MACROD1: variants seen among roughly 807,000 people sequenced by gnomAD.
MACROD1 encodes the protein mono-ADP ribosylhydrolase 1.
In MACROD1, 31 loss-of-function variants were observed where a neutral mutation model predicts 41.4. The ratio of observed to expected loss-of-function variants is 0.75; its 90% confidence interval spans 0.56 to 1.01. The LOEUF (loss-of-function observed/expected upper bound fraction) is 1.01. MACROD1 is among the 50% of genes least tolerant of loss of function. MACROD1 has a pLI of 0.00. For synonymous variants in MACROD1, 252 were observed against 203.4 expected (o/e 1.24, Z -2.03); for missense variants, 473 against 460.0 (o/e 1.03, Z -0.26).
chr11:64,132,950 C>T (rs939674381), intron 3 of MACROD1, among the ~76,000 whole-genome samples: 1 of 152,180 alleles, frequency 6.6e-6, no homozygotes, highest in African/African-American at 2.4e-5. Context: ...AGCTCTGGAA[C>T]CAGGTCTGTC....
intron 3 of MACROD1, among the ~76,000 whole-genome samples, chr11:64,028,071 G>A (rs1001608534): frequency 6.6e-6 from 1 of 152,234 alleles, no homozygotes; most frequent in African/African-American, 2.4e-5. Context: ...CTCACCCTCT[G>A]AGGCTGCCCA....
intron 3 of MACROD1, among the ~76,000 whole-genome samples, chr11:64,016,224 T>A: frequency 6.6e-6 from 1 of 152,206 alleles, no homozygotes. Flanking sequence ...CCCCTCTCTG[T>A]AGGAATGCCA....
intron 3 of MACROD1, among the ~76,000 whole-genome samples, chr11:64,016,158 G>A (rs921548805): frequency 6.6e-5 from 10 of 152,124 alleles, no homozygotes; most frequent in Non-Finnish European, 8.8e-5. Flanking sequence ...CAGTCTGTCC[G>A]ATCGGCTGCC....
At chr11:64,124,516 G>C (rs539377830) in intron 3 of MACROD1, among the ~76,000 whole-genome samples, 1 of 152,186 alleles carries the variant, frequency 6.6e-6, no homozygotes, top group Admixed American at 6.5e-5. Flanking sequence ...GATTCTTTTT[G>C]CTCTCCATCC....
Position 64,010,671 on chromosome 11 carries a change from G to A in MACROD1, c.547+4581C>T, listed in dbSNP as rs570560006. 3.3e-5 allele frequency among the ~76,000 whole-genome samples: 5 copies of A among 151,510 alleles called. No individual in the cohort carries two copies. In the South Asian group the frequency reaches 1.0e-3, roughly 32 times the overall value. On this transcript the variant is annotated intron_variant, in intron 4 of 10. Coordinates refer to ENST00000255681, the MANE Select transcript of MACROD1 (RefSeq NM_014067.4). Reference sequence around the variant, plus strand: ...GGGGTGTTAGTTGGGGTGCTGGCTGGTGTGTTGGTTGGGGTGTTGGCTGGC... The same window carrying A: ...GGGGTGTTAGTTGGGGTGCTGGCTGATGTGTTGGTTGGGGTGTTGGCTGGC...
chr11:64,071,978 G>A (rs376456575), intron 3 of MACROD1, among the ~76,000 whole-genome samples: 8 of 152,342 alleles, frequency 5.3e-5, no homozygotes, highest in South Asian at 2.1e-4. Flanking sequence ...CGAGGGGAAC[G>A]GGCTGGCTCC....
chr11:64,063,311 T>C, intron 3 of MACROD1, among the ~76,000 whole-genome samples: 1 of 152,022 alleles, frequency 6.6e-6, no homozygotes, highest in East Asian at 1.9e-4. Flanking sequence ...GAGTTAACAG[T>C]TGTAAAACAC....
At chr11:64,011,869 A>G (rs1943020979) in intron 4 of MACROD1, among the ~76,000 whole-genome samples, 1 of 152,040 alleles carries the variant, frequency 6.6e-6, no homozygotes, top group African/African-American at 2.4e-5. Context: ...TTGGGCAGGT[A>G]GGCGATTAGG....
intron 3 of MACROD1, among the ~76,000 whole-genome samples, chr11:64,126,002 G>A (rs1050651473): frequency 2.6e-5 from 4 of 152,226 alleles, no homozygotes; most frequent in Non-Finnish European, 1.5e-5. Flanking sequence ...CTGGAGCCAG[G>A]CGGCTCCAGG....
intron 3 of MACROD1, among the ~76,000 whole-genome samples, chr11:64,124,265 C>A (rs1047862596): frequency 6.6e-6 from 1 of 152,234 alleles, no homozygotes; most frequent in Non-Finnish European, 1.5e-5. Flanking sequence ...GGCCCTGCAG[C>A]TCCGAAGCCC....
At chr11:64,080,540 A>G (rs1944284679) in intron 3 of MACROD1, among the ~76,000 whole-genome samples, 1 of 152,196 alleles carries the variant, frequency 6.6e-6, no homozygotes, top group African/African-American at 2.4e-5. Flanking sequence ...AAGCACCTAA[A>G]TCAAAGAGAG....
intron 3 of MACROD1, among the ~76,000 whole-genome samples, chr11:64,042,473 T>C (rs1590828561): frequency 2.0e-5 from 3 of 152,208 alleles, no homozygotes; most frequent in East Asian, 1.9e-4. Context: ...CCTGCTCCAA[T>C]AGAGGAGGCC....
intron 3 of MACROD1, among the ~76,000 whole-genome samples, chr11:64,138,721 G>A (rs984919595): frequency 1.3e-5 from 2 of 152,130 alleles, no homozygotes; most frequent in South Asian, 2.1e-4. Context: ...TGGGGAATGG[G>A]CGTTCAAGGG....
chr11:64,054,989 G>A (rs1031722016), intron 3 of MACROD1, among the ~76,000 whole-genome samples: 2 of 151,938 alleles, frequency 1.3e-5, no homozygotes, highest in African/African-American at 2.4e-5. Flanking sequence ...CTTTCCTACC[G>A]CCACTACCAT....
chr11:64,037,462 G>C (rs1943404184), intron 3 of MACROD1, among the ~76,000 whole-genome samples: 1 of 152,206 alleles, frequency 6.6e-6, no homozygotes. Flanking sequence ...TGCTGACTCC[G>C]TGGGCGACTG....
At chr11:64,034,520 A>G (rs925943422) in intron 3 of MACROD1, among the ~76,000 whole-genome samples, 1 of 152,208 alleles carries the variant, frequency 6.6e-6, no homozygotes, top group Non-Finnish European at 1.5e-5. Context: ...AGGAAGGGCA[A>G]AGACAGGCGC....
At chr11:64,031,939 G>A (rs1391824114) in intron 3 of MACROD1, among the ~76,000 whole-genome samples, 1 of 152,248 alleles carries the variant, frequency 6.6e-6, no homozygotes, top group African/African-American at 2.4e-5. Context: ...CCTTGGAGGT[G>A]ATACCCAGGC....
intron 3 of MACROD1, among the ~76,000 whole-genome samples, chr11:64,121,708 C>A (rs1242152782): frequency 6.6e-6 from 1 of 152,218 alleles, no homozygotes; most frequent in East Asian, 1.9e-4. Context: ...TGTCTAAATT[C>A]TCCCGGGCTC....
chr11:64,074,102 G>A (rs151336750), intron 3 of MACROD1, among the ~76,000 whole-genome samples: 78 of 152,318 alleles, frequency 5.1e-4, no homozygotes, highest in African/African-American at 1.8e-3. Context: ...TTCTGGCCTT[G>A]CCTCCTCTCA....
Sources: gnomAD v4.1 joint callset for allele counts (sites outside exome capture counted in the v4.1 genomes callset) on GRCh38, gnomAD v4.1.1 for gene constraint, MANE v1.5 for transcripts, NCBI Gene and HGNC (gene_info 2026-07-23, HGNC 2026-07-21) for gene names.